The following ELFN2 variants were observed in gnomAD, a reference collection of about 807,000 sequenced individuals.
ELFN2 encodes extracellular leucine rich repeat and fibronectin type III domain containing 2, also known as protein phosphatase 1 regulatory subunit 29.
A neutral mutation model predicts 45.5 loss-of-function variants in ELFN2; 17 were observed. That is an observed-to-expected ratio of 0.37 (90% confidence interval 0.26 to 0.56). The LOEUF is 0.56. ELFN2 is among the 20% of genes least tolerant of loss of function. ELFN2 has a pLI of 0.77. For missense variants in ELFN2, 922 were observed against 1,183.2 expected (o/e 0.78, Z 3.24); for synonymous variants, 550 against 551.5 (o/e 1.00, Z 0.04).
At chr22:37,364,961 G>A (rs1237187116), downstream of ELFN2, among the ~76,000 whole-genome samples, 1 of 152,238 alleles carries the variant, frequency 6.6e-6, no homozygotes, top group Non-Finnish European at 1.5e-5. Flanking sequence ...ATGCTTCCGG[G>A]CTGTGACAAA....
intron 1 of ELFN2, among the ~76,000 whole-genome samples, chr22:37,352,808 A>T (rs1007619336): frequency 1.3e-5 from 2 of 150,836 alleles, no homozygotes; most frequent in African/African-American, 4.8e-5. Context: ...TGCATTCTAA[A>T]TGCAAGAAGT....
At chr22:37,345,610 C>T (rs2145608750) in intron 1 of ELFN2, among the ~76,000 whole-genome samples, 1 of 149,178 alleles carries the variant, frequency 6.7e-6, no homozygotes, top group Admixed American at 6.7e-5. Context: ...TGCAATGACA[C>T]AATCTCAGCT....
intron 1 of ELFN2, among the ~76,000 whole-genome samples, chr22:37,424,908 G>A (rs1018830395): frequency 6.6e-6 from 1 of 152,088 alleles, no homozygotes; most frequent in Non-Finnish European, 1.5e-5. Context: ...CAGAGCTCAC[G>A]TGGACTGAGC....
Position 37,373,822 on chromosome 22 carries a change from G to A in ELFN2, c.1713C>T (p.Asp571=). Residue 571 remains aspartate (D), a synonymous_variant, in exon 3 of 3, where the codon GAC becomes GAT. Coordinates refer to ENST00000402918, the MANE Select transcript of ELFN2 (RefSeq NM_052906.5). The stretch of plus-strand genomic sequence containing the variant: ...ACTGGCACTCGAAGGCCAGCTCGGG[G>A]TCCCCACTGCTGCTGCCGCCTCCCA... ...SFLGGGSSSG[D]PELAFECQSL... 3 of 1,612,780 alleles carry A rather than the reference G, an allele frequency of 1.9e-6. No homozygotes were observed. The highest frequency in any genetic ancestry group is 2.5e-6 in the Non-Finnish European group (3 of 1,179,874).
chr22:37,349,483 A>G (rs1930775165), intron 1 of ELFN2, among the ~76,000 whole-genome samples: 1 of 151,232 alleles, frequency 6.6e-6, no homozygotes, highest in Non-Finnish European at 1.5e-5. Flanking sequence ...ACCCACCTCC[A>G]GCGTCTGCTC....
intron 2 of ELFN2, among the ~76,000 whole-genome samples, chr22:37,381,373 G>A (rs1393703614): frequency 6.6e-6 from 1 of 152,080 alleles, no homozygotes; most frequent in Non-Finnish European, 1.5e-5. Flanking sequence ...GAGAGATTTC[G>A]ATGTTTCCAT....
intron 1 of ELFN2, among the ~76,000 whole-genome samples, chr22:37,345,081 GC>G (rs1479127776): frequency 1.3e-5 from 2 of 152,184 alleles, no homozygotes; most frequent in Non-Finnish European, 2.9e-5. Flanking sequence ...ACCAGGCACT[GC>G]CCCCATCACA....
intron 2 of ELFN2, among the ~76,000 whole-genome samples, chr22:37,401,379 C>G (rs1932357299): frequency 6.6e-6 from 1 of 152,188 alleles, no homozygotes; most frequent in Admixed American, 6.5e-5. Flanking sequence ...TCTCACAGCT[C>G]TTAGGCAGCA....
At chr22:37,405,840 AGGGGGG>A (rs959336127) in intron 2 of ELFN2, among the ~76,000 whole-genome samples, 22 of 141,610 alleles carry the variant, frequency 1.6e-4, no homozygotes, top group African/African-American at 6.0e-4. Flanking sequence ...AAAAGGGTGG[AGGGGGG>A]GTGGTCCTGG....
intron 2 of ELFN2, among the ~76,000 whole-genome samples, chr22:37,341,307 C>A (rs1253742457): frequency 2.0e-5 from 3 of 152,134 alleles, no homozygotes; most frequent in Admixed American, 2.0e-4. Context: ...CCTCTGGAGT[C>A]CTGCTGCTCC....
intron 1 of ELFN2, among the ~76,000 whole-genome samples, chr22:37,422,412 CTGT>C (rs2145692878): frequency 6.6e-6 from 1 of 152,006 alleles, no homozygotes; most frequent in Non-Finnish European, 1.5e-5. Flanking sequence ...TTTATTGTTG[CTGT>C]TGTTGTTCTG....
chr22:37,413,406 A>G (rs1401301489), intron 2 of ELFN2, among the ~76,000 whole-genome samples: 1 of 110,800 alleles, frequency 9.0e-6, no homozygotes, highest in East Asian at 2.1e-4. Flanking sequence ...GTCTCTACAA[A>G]AAAAAAAAAG....
intron 1 of ELFN2, among the ~76,000 whole-genome samples, chr22:37,351,939 T>C (rs1930831146): frequency 6.6e-6 from 1 of 150,986 alleles, no homozygotes; most frequent in South Asian, 2.1e-4. Flanking sequence ...TCACTCATCT[T>C]TGCGCCTGCC....
intron 2 of ELFN2, among the ~76,000 whole-genome samples, chr22:37,413,600 T>C (rs1319364983): frequency 6.6e-6 from 1 of 151,016 alleles, no homozygotes; most frequent in African/African-American, 2.4e-5. Context: ...CACAGCCCAT[T>C]AATGGCAACA....
chr22:37,414,077 G>A (rs1932721767), intron 2 of ELFN2, among the ~76,000 whole-genome samples: 1 of 152,134 alleles, frequency 6.6e-6, no homozygotes. Context: ...GGCTGGTGGG[G>A]TTACCTATCC....
At position 37,370,973 on chromosome 22, in the gene ELFN2, T is replaced by TG. The variant is rs1194536087; in HGVS notation, c.*2098dup. 3 of 32,004 alleles carry TG rather than the reference T, an allele frequency of 9.4e-5. No homozygotes were observed. Among genetic ancestry groups the TG allele is most frequent in the Admixed American group, 3.7e-4 (1 of 2,670 alleles). 2.0% of individuals were successfully genotyped at this position (32,004 alleles called of 1,614,324 possible). ...GTGCCAAGGGGGTGTGAGGAGGGGTTGGGGGGCAGGTTTTGGGGGCCGGGG... is the reference window on the plus strand; with the variant it reads ...GTGCCAAGGGGGTGTGAGGAGGGGTTGGGGGGGCAGGTTTTGGGGGCCGGGG... On this transcript the variant is annotated 3_prime_UTR_variant, in exon 3 of 3. Coordinates refer to ENST00000402918, the MANE Select transcript of ELFN2 (RefSeq NM_052906.5).
At chr22:37,394,097 C>A (rs1322114862) in intron 2 of ELFN2, among the ~76,000 whole-genome samples, 2 of 152,216 alleles carry the variant, frequency 1.3e-5, no homozygotes, top group Non-Finnish European at 2.9e-5. Context: ...CTCCTGGCCC[C>A]ACTGGCTGTG....
chr22:37,403,477 G>C (rs1402570683), intron 2 of ELFN2, among the ~76,000 whole-genome samples: 1 of 152,186 alleles, frequency 6.6e-6, no homozygotes, highest in East Asian at 1.9e-4. Context: ...GGTTGCCTGG[G>C]CAACAGGACT....
Position 37,373,349 on chromosome 22 carries a change from G to A in ELFN2, c.2186C>T (p.Ser729Phe), listed in dbSNP as rs1310027820. 6.2e-7 allele frequency: 1 copy of A among 1,613,304 alleles called. No homozygotes were observed. Among genetic ancestry groups the A allele is most frequent in the Admixed American group, 1.7e-5 (1 of 59,996 alleles). Reference sequence around the variant, plus strand: ...GGAGCGGGTCAGCGGCTTGAGGAAGGACACGCGCTGGCTCAGGCTGTCGGC... The same window carrying A: ...GGAGCGGGTCAGCGGCTTGAGGAAGAACACGCGCTGGCTCAGGCTGTCGGC... ...EGADSLSQRV[S>F]FLKPLTRSKR... Residue 729 changes from serine to phenylalanine, a missense_variant, in exon 3 of 3, where the codon TCC (serine) becomes TTC (phenylalanine). Transcript: ENST00000402918.
Sources: allele counts gnomAD v4.1 joint callset (sites outside exome capture counted in the v4.1 genomes callset), GRCh38; gene constraint gnomAD v4.1.1; transcripts MANE v1.5; gene names NCBI Gene and HGNC (gene_info 2026-07-23, HGNC 2026-07-21).